Variants in RPS27 observed in about 807,000 individuals in gnomAD.
RPS27 encodes the protein ribosomal protein S27.
A neutral mutation model predicts 11.8 loss-of-function variants in RPS27; 1 was observed. That is an observed-to-expected ratio of 0.08 (90% CI 0.03 to 0.40). The LOEUF (loss-of-function observed/expected upper bound fraction) is 0.40. Among genes scored for constraint, RPS27 ranks in the 10% least tolerant of loss-of-function variants. RPS27 has a pLI of 0.98. For missense variants in RPS27, 44 were observed against 100.1 expected (o/e 0.44, Z 2.39); for synonymous variants, 42 against 33.8 (o/e 1.24, Z -0.84).
intron 3 of RPS27, 71 bp from the exon 4 acceptor site, chr1:153,991,994 C>A: frequency 7.2e-7 from 1 of 1,395,850 alleles, no homozygotes; most frequent in South Asian, 1.2e-5. Context: ...CATCATGCAT[C>A]TGCTTTTTTG....
chr1:153,991,013 G>T, intron 1 of RPS27, 102 bp from the exon 2 acceptor site: 1 of 1,145,376 alleles, frequency 8.7e-7, no homozygotes, highest in South Asian at 1.4e-5. Flanking sequence ...CACCAGGGGC[G>T]GCGAGGGGCG....
Sources: allele counts gnomAD v4.1 joint callset, GRCh38; gene constraint gnomAD v4.1.1; transcripts MANE v1.5; gene names NCBI Gene and HGNC (gene_info 2026-07-23, HGNC 2026-07-21).